PCDH15: variants seen among roughly 807,000 people sequenced by gnomAD.
PCDH15 encodes the protein protocadherin-15.
In PCDH15, 129 loss-of-function variants were observed where a neutral mutation model predicts 178.5. That is an observed-to-expected ratio of 0.72 (90% CI 0.63 to 0.84). The LOEUF is 0.84. PCDH15 is among the 40% of genes least tolerant of loss of function. PCDH15 has a pLI of 0.00. For synonymous variants in PCDH15, 800 were observed against 732.0 expected (o/e 1.09, Z -1.50); for missense variants, 2,230 against 2,099.9 (o/e 1.06, Z -1.21).
intron 1 of PCDH15, among the ~76,000 whole-genome samples, chr10:54,750,538 T>C (rs1156813677): frequency 2.0e-5 from 3 of 152,112 alleles, no homozygotes; most frequent in African/African-American, 7.2e-5. Flanking sequence ...TATTTTCAAG[T>C]TGAAAGTTAG....
At chr10:55,237,906 A>G (rs1262421989) in intron 1 of PCDH15, among the ~76,000 whole-genome samples, 1 of 152,024 alleles carries the variant, frequency 6.6e-6, no homozygotes, top group Non-Finnish European at 1.5e-5. Flanking sequence ...AATTATAAAT[A>G]TGATCTTTTT....
At chr10:54,928,549 T>C (rs903078008) in intron 2 of PCDH15, among the ~76,000 whole-genome samples, 2 of 152,160 alleles carry the variant, frequency 1.3e-5, no homozygotes, top group Non-Finnish European at 2.9e-5. Flanking sequence ...GTTGCTTCCA[T>C]TTTCTCCATC....
chr10:53,897,893 G>T (rs2082059645), intron 26 of PCDH15, among the ~76,000 whole-genome samples: 2 of 147,966 alleles, frequency 1.4e-5, no homozygotes, highest in Non-Finnish European at 1.5e-5. Flanking sequence ...ATATTCCATT[G>T]TATGTGTATA....
intron 32 of PCDH15, chr10:53,823,670 G>A: frequency 4.2e-6 from 2 of 481,066 alleles, no homozygotes; most frequent in Non-Finnish European, 8.2e-6. Flanking sequence ...AAGCATCCAT[G>A]TCCACACGTA....
chr10:53,874,850 C>A (rs189151837), intron 26 of PCDH15, among the ~76,000 whole-genome samples: 2 of 150,960 alleles, frequency 1.3e-5, no homozygotes, highest in African/African-American at 4.9e-5. Context: ...CTTTAAAATG[C>A]GGAATAAAAA....
At chr10:54,873,503 G>GTA (rs777682748) in intron 3 of PCDH15, among the ~76,000 whole-genome samples, 1 of 147,518 alleles carries the variant, frequency 6.8e-6, no homozygotes. Flanking sequence ...ATACGTGTAT[G>GTA]TATATATATA....
intron 2 of PCDH15, among the ~76,000 whole-genome samples, chr10:54,578,074 G>A (rs534512905): frequency 6.6e-6 from 1 of 152,090 alleles, no homozygotes; most frequent in Admixed American, 6.5e-5. Context: ...TTATCACAAT[G>A]GTTAAGTTTT....
chr10:54,292,257 A>G (rs142357655), intron 8 of PCDH15, among the ~76,000 whole-genome samples: 2,436 of 152,268 alleles, frequency 0.016, 54 homozygotes, highest in South Asian at 0.045. Flanking sequence ...AAAGACCTTC[A>G]ACAAAATTCA....
At chr10:54,214,132 G>T (rs1279468313) in intron 9 of PCDH15, 84 bp from the exon 10 acceptor site, 31 of 755,610 alleles carry the variant, frequency 4.1e-5, no homozygotes, top group Non-Finnish European at 6.9e-5. Flanking sequence ...TTCATCAGCT[G>T]AGGAACAAAG....
chr10:54,277,487 A>C (rs535650405), intron 8 of PCDH15, among the ~76,000 whole-genome samples: 14 of 151,846 alleles, frequency 9.2e-5, no homozygotes, highest in African/African-American at 3.4e-4. Context: ...ATAAAATTGC[A>C]AGGCATTCAG....
At chr10:54,228,913 A>T (rs893007496) in intron 9 of PCDH15, among the ~76,000 whole-genome samples, 1 of 152,216 alleles carries the variant, frequency 6.6e-6, no homozygotes, top group Non-Finnish European at 1.5e-5. Context: ...AATAAAATTA[A>T]GCATCACAAG....
chr10:54,169,935 C>CAG (rs2046701609), intron 13 of PCDH15, among the ~76,000 whole-genome samples: 1 of 148,622 alleles, frequency 6.7e-6, no homozygotes, highest in African/African-American at 2.5e-5. Flanking sequence ...CCACCCCGTG[C>CAG]TGCCAAACCC....
In PCDH15 at chr10:53,822,128, T is replaced by C. The variant is rs1564531423; in HGVS notation, c.4368-1898A>G. On this transcript the variant is annotated intron_variant, in intron 32 of 37. Transcript: ENST00000644397. ...GGTCTGTTTTACACACTGTCGTTGT[T>C]GATAGCTGTGTCATAGAGGACTTAA... 1 of 1,614,092 alleles carries C rather than the reference T, an allele frequency of 6.2e-7. No homozygotes were observed. The highest frequency in any genetic ancestry group is 2.2e-5 in the East Asian group (1 of 44,880).
intron 2 of PCDH15, among the ~76,000 whole-genome samples, chr10:55,009,560 T>G (rs1410825470): frequency 6.6e-6 from 1 of 152,146 alleles, no homozygotes; most frequent in African/African-American, 2.4e-5. Context: ...TAATTATTAT[T>G]ATCTTTTATG....
chr10:55,178,640 G>T (rs752129374), intron 1 of PCDH15, among the ~76,000 whole-genome samples: 1 of 152,018 alleles, frequency 6.6e-6, no homozygotes, highest in Non-Finnish European at 1.5e-5. Flanking sequence ...TAAAGGCCTG[G>T]GGAACTTATG....
intron 2 of PCDH15, among the ~76,000 whole-genome samples, chr10:55,363,439 G>A (rs1168580711): frequency 6.6e-6 from 1 of 152,088 alleles, no homozygotes; most frequent in Non-Finnish European, 1.5e-5. Flanking sequence ...GCCCCAGATT[G>A]TAGTTGTTAG....
intron 2 of PCDH15, among the ~76,000 whole-genome samples, chr10:55,122,738 T>A (rs1027647465): frequency 2.0e-5 from 3 of 152,132 alleles, no homozygotes; most frequent in East Asian, 1.9e-4. Context: ...ATAAAAATAT[T>A]GGTAGCTGAA....
intron 2 of PCDH15, among the ~76,000 whole-genome samples, chr10:55,605,244 G>T (rs972118261): frequency 2.0e-5 from 3 of 152,044 alleles, no homozygotes; most frequent in African/African-American, 7.2e-5. Flanking sequence ...TGAAATTGTG[G>T]CAATAATCAA....
chr10:54,570,497 C>A (rs2089660028), intron 2 of PCDH15, among the ~76,000 whole-genome samples: 1 of 152,018 alleles, frequency 6.6e-6, no homozygotes, highest in Non-Finnish European at 1.5e-5. Context: ...ACTTACTGAT[C>A]CTTTCTTTTA....
Sources: allele counts gnomAD v4.1 joint callset (sites outside exome capture counted in the v4.1 genomes callset), GRCh38; gene constraint gnomAD v4.1.1; transcripts MANE v1.5; gene names NCBI Gene and HGNC (gene_info 2026-07-23, HGNC 2026-07-21).